The following STXBP5L variants were observed in gnomAD, a reference collection of about 807,000 sequenced individuals.
STXBP5L encodes the protein syntaxin-binding protein 5-like.
In STXBP5L, 65 loss-of-function variants were observed where a neutral mutation model predicts 144.5. The ratio of observed to expected loss-of-function variants is 0.45; its 90% CI spans 0.37 to 0.55. The LOEUF (loss-of-function observed/expected upper bound fraction) is 0.55. Ranked by LOEUF, STXBP5L falls within the 20% of genes least tolerant of loss-of-function variation. STXBP5L has a pLI of 0.00. For missense variants in STXBP5L, 1,298 were observed against 1,405.5 expected, an observed-to-expected ratio of 0.92 and a Z score of 1.22; for synonymous variants, 505 against 469.6, an observed-to-expected ratio of 1.08 and a Z score of -0.97.
chr3:121,069,180 T>C (rs1404200336), intron 5 of STXBP5L, among the ~76,000 whole-genome samples: 1 of 152,238 alleles, frequency 6.6e-6, no homozygotes, highest in East Asian at 1.9e-4. Flanking sequence ...TTCTAACGCC[T>C]GGAATTCACT....
At chr3:121,315,937 A>T (rs932534991) in intron 19 of STXBP5L, among the ~76,000 whole-genome samples, 2 of 150,916 alleles carry the variant, frequency 1.3e-5, no homozygotes, top group Non-Finnish European at 2.9e-5. Context: ...CAGGAGGCGG[A>T]GGTTGCAGTG....
chr3:121,395,970 G>A (rs1269185625), intron 22 of STXBP5L, among the ~76,000 whole-genome samples: 1 of 152,218 alleles, frequency 6.6e-6, no homozygotes, highest in South Asian at 2.1e-4. Context: ...AAAGTTTCAG[G>A]TGTCTTGATG....
At chr3:120,949,468 T>A (rs1469894065) in intron 2 of STXBP5L, among the ~76,000 whole-genome samples, 1 of 152,132 alleles carries the variant, frequency 6.6e-6, no homozygotes, top group Non-Finnish European at 1.5e-5. Flanking sequence ...GCTTTTGGGT[T>A]CTTGGTCATG....
chr3:121,266,631 A>G (rs1269389081), intron 18 of STXBP5L, among the ~76,000 whole-genome samples: 1 of 152,204 alleles, frequency 6.6e-6, no homozygotes, highest in African/African-American at 2.4e-5. Flanking sequence ...GGCCAGGGCA[A>G]TCAGGCAAGA....
intron 7 of STXBP5L, among the ~76,000 whole-genome samples, chr3:121,134,482 G>A (rs920910521): frequency 7.2e-5 from 11 of 151,952 alleles, no homozygotes; most frequent in African/African-American, 2.7e-4. Flanking sequence ...GTATACATGT[G>A]CCATGTTGGT....
At chr3:121,097,160 A>G (rs1163007266) in intron 5 of STXBP5L, among the ~76,000 whole-genome samples, 1 of 152,128 alleles carries the variant, frequency 6.6e-6, no homozygotes, top group East Asian at 1.9e-4. Context: ...AAGCTGCACC[A>G]GTGGTGGATG....
chr3:121,263,837 T>C (rs1032205306), intron 18 of STXBP5L, among the ~76,000 whole-genome samples: 2 of 152,152 alleles, frequency 1.3e-5, no homozygotes, highest in African/African-American at 2.4e-5. Context: ...CTATGTTTGA[T>C]TGGTGTACCT....
intron 20 of STXBP5L, among the ~76,000 whole-genome samples, chr3:121,364,482 C>CAAA (rs34692428): frequency 1.5e-5 from 2 of 135,032 alleles, no homozygotes; most frequent in African/African-American, 5.3e-5. Context: ...TCTATATCTG[C>CAAA]AAAAAAAAAA....
intron 5 of STXBP5L, among the ~76,000 whole-genome samples, chr3:121,049,146 C>G (rs1408470611): frequency 1.3e-5 from 2 of 152,032 alleles, no homozygotes; most frequent in Admixed American, 6.5e-5. Context: ...GGGTTGGGGA[C>G]CCATGTAGAA....
intron 3 of STXBP5L, among the ~76,000 whole-genome samples, chr3:121,035,432 A>G (rs936024103): frequency 6.6e-6 from 1 of 152,120 alleles, no homozygotes. Flanking sequence ...GCATATGACA[A>G]TCCAATTTTC....
chr3:120,927,479 C>A (rs1157149210), intron 2 of STXBP5L, among the ~76,000 whole-genome samples: 2 of 152,218 alleles, frequency 1.3e-5, no homozygotes, highest in East Asian at 3.8e-4. Context: ...ACTGCTAATG[C>A]TTTCCCTGGG....
intron 3 of STXBP5L, among the ~76,000 whole-genome samples, chr3:121,014,886 A>T (rs1201868137): frequency 6.6e-6 from 1 of 152,114 alleles, no homozygotes; most frequent in African/African-American, 2.4e-5. Flanking sequence ...TGAGTAATAA[A>T]TTGAAAAACT....
At chr3:121,151,400 A>T (rs1021091456) in intron 7 of STXBP5L, among the ~76,000 whole-genome samples, 7 of 152,138 alleles carry the variant, frequency 4.6e-5, no homozygotes, top group Non-Finnish European at 1.0e-4. Context: ...TATTGCTTTA[A>T]TGAACTGATA....
At chr3:120,970,395 T>G (rs1258986222) in intron 3 of STXBP5L, among the ~76,000 whole-genome samples, 1 of 152,102 alleles carries the variant, frequency 6.6e-6, no homozygotes, top group Non-Finnish European at 1.5e-5. Flanking sequence ...TCTCTCAGCT[T>G]CTGTTTGTTT....
intron 18 of STXBP5L, among the ~76,000 whole-genome samples, chr3:121,270,642 G>C (rs1343318168): frequency 6.6e-6 from 1 of 151,986 alleles, no homozygotes; most frequent in African/African-American, 2.4e-5. Flanking sequence ...TAGTAGAGAT[G>C]GTGTTTTGCC....
chr3:121,030,163 C>T (rs1212424017), intron 3 of STXBP5L, among the ~76,000 whole-genome samples: 1 of 152,276 alleles, frequency 6.6e-6, no homozygotes, highest in South Asian at 2.1e-4. Flanking sequence ...TATGACTCAG[C>T]AATCCCATTA....
rs151090619 is a variant in STXBP5L, at chr3:121,200,089, T to C, written c.878-5834T>C. On this transcript the variant is annotated intron_variant, in intron 9 of 26. Coordinates refer to ENST00000471454, the MANE Select transcript of STXBP5L (RefSeq NM_001308330.2). ...GCTCCTCTTTGTACCTCTGGTAGAA[T>C]TTGGCTGTGAATCCATCCGTTCTTG... 4.1e-3 allele frequency among the ~76,000 whole-genome samples: 630 copies of C among 152,328 alleles called. 2 individuals carry two copies. Among genetic ancestry groups the C allele is most frequent in the African/African-American group, 0.014 (592 of 41,562 alleles).
intron 3 of STXBP5L, among the ~76,000 whole-genome samples, chr3:121,010,030 A>G (rs772572923): frequency 2.6e-5 from 4 of 151,926 alleles, no homozygotes; most frequent in Non-Finnish European, 4.4e-5. Context: ...TGATATTACA[A>G]GTGTGATTGA....
At chr3:120,979,782 G>T (rs1486466073) in intron 3 of STXBP5L, among the ~76,000 whole-genome samples, 1 of 151,994 alleles carries the variant, frequency 6.6e-6, no homozygotes, top group African/African-American at 2.4e-5. Flanking sequence ...TGCTACCTTT[G>T]GCTTTGTTCT....
Sources: allele counts gnomAD v4.1 joint callset (sites outside exome capture counted in the v4.1 genomes callset), GRCh38; gene constraint gnomAD v4.1.1; transcripts MANE v1.5; gene names NCBI Gene and HGNC (gene_info 2026-07-23, HGNC 2026-07-21).